Variants in THSD7B observed in about 807,000 individuals in gnomAD.
The protein encoded by THSD7B is thrombospondin type-1 domain-containing protein 7B.
A neutral mutation model predicts 213.6 loss-of-function variants in THSD7B; 138 were observed. That is an observed-to-expected ratio of 0.65 (90% CI 0.56 to 0.74). The LOEUF is 0.74. Among genes scored for constraint, THSD7B ranks in the 30% least tolerant of loss-of-function variants. The pLI is 0.00. For synonymous variants in THSD7B, 742 were observed against 687.0 expected, an observed-to-expected ratio of 1.08 and a Z score of -1.25; for missense variants, 1,931 against 1,991.5, an observed-to-expected ratio of 0.97 and a Z score of 0.58.
intron 17 of THSD7B, among the ~76,000 whole-genome samples, chr2:137,610,992 A>G (rs112831532): frequency 0.03 from 4,341 of 146,488 alleles, 160 homozygotes; most frequent in African/African-American, 0.091. Context: ...TTAAAGTATA[A>G]TAATAATAAT....
chr2:137,621,013 G>A lies in THSD7B; in HGVS notation c.3799+287G>A, dbSNP rs556993730. Among the ~76,000 whole-genome samples, 3 of 152,272 alleles carry A rather than the reference G, an allele frequency of 2.0e-5. No individual in the cohort carries two copies. In the East Asian group the frequency reaches 5.8e-4, roughly 29 times the overall value. On this transcript the variant is annotated intron_variant, in intron 20 of 27. Transcript: ENST00000409968. ...CTCAACAAATTGAAAAAACATGTTG[G>A]CCTCAGTGGTTTTTGGAAAAAGTAG...
intron 17 of THSD7B, among the ~76,000 whole-genome samples, chr2:137,608,434 A>G (rs1035212590): frequency 5.3e-5 from 8 of 151,980 alleles, no homozygotes; most frequent in Non-Finnish European, 1.2e-4. Context: ...CAAGTGTAAC[A>G]GTTACTGAGG....
chr2:136,919,940 A>G (rs537004970), intron 2 of THSD7B, among the ~76,000 whole-genome samples: 4 of 152,372 alleles, frequency 2.6e-5, no homozygotes, highest in African/African-American at 9.6e-5. Context: ...CACTGTGGGC[A>G]GCAGGGAACA....
chr2:137,515,290 G>A lies in THSD7B; in HGVS notation c.3139-47931G>A, dbSNP rs573672994. On this transcript the variant is annotated intron_variant, in intron 15 of 27. Coordinates refer to ENST00000409968, the MANE Select transcript of THSD7B (RefSeq NM_001316349.2). ...CCCATTAGTGGCAACATCCCCTCCC[G>A]GTCCCATGCTGCCATCGCCTTTCCA... Among the ~76,000 whole-genome samples the A allele has an allele frequency of 4.6e-5, 7 of 152,184 alleles. No individual in the cohort carries two copies. The South Asian group carries it at 1.0e-3, about 23-fold the overall frequency.
At chr2:136,913,696 G>A (rs1002968766) in intron 2 of THSD7B, among the ~76,000 whole-genome samples, 1 of 152,222 alleles carries the variant, frequency 6.6e-6, no homozygotes. Flanking sequence ...CCAAACCTTG[G>A]CAACTTCCAT....
chr2:137,599,918 G>A (rs9287476), intron 17 of THSD7B, among the ~76,000 whole-genome samples: 2 of 151,794 alleles, frequency 1.3e-5, no homozygotes, highest in African/African-American at 4.8e-5. Context: ...CTCTACCAAG[G>A]CCTCCTCCTT....
intron 12 of THSD7B, among the ~76,000 whole-genome samples, chr2:137,294,394 C>T (rs1280711044): frequency 1.3e-5 from 2 of 151,682 alleles, no homozygotes; most frequent in Admixed American, 6.6e-5. Flanking sequence ...ACCAGCCTGG[C>T]CAACATGGTG....
chr2:137,289,592 G>T (rs577247756), intron 12 of THSD7B, among the ~76,000 whole-genome samples: 1 of 152,214 alleles, frequency 6.6e-6, no homozygotes, highest in East Asian at 1.9e-4. Context: ...TTGAGTAGCT[G>T]TAGCTGAATA....
chr2:137,293,704 A>G (rs1033000053), intron 12 of THSD7B, among the ~76,000 whole-genome samples: 2 of 152,186 alleles, frequency 1.3e-5, no homozygotes, highest in East Asian at 1.9e-4. Flanking sequence ...CCAATTATAT[A>G]TTTTATTAGA....
intron 15 of THSD7B, among the ~76,000 whole-genome samples, chr2:137,536,117 A>C (rs910296718): frequency 6.7e-6 from 1 of 149,902 alleles, no homozygotes; most frequent in Admixed American, 6.6e-5. Context: ...CACTCATGAC[A>C]CCAGTGGTTT....
At position 137,487,396 on chromosome 2, in the gene THSD7B, A is replaced by AAAAAAAC. The variant is rs757398774; in HGVS notation, c.3138+36376_3138+36377insAAACAAA. Among the ~76,000 whole-genome samples, 381 of 120,912 alleles carry AAAAAAAC rather than the reference A, an allele frequency of 3.2e-3. 9 individuals carry two copies. The highest frequency in any genetic ancestry group is 8.1e-3 in the Middle Eastern group (2 of 248). 79.3% of individuals were successfully genotyped at this position (120,912 alleles called of 152,430 possible). On this transcript the variant is annotated intron_variant, in intron 15 of 27. Coordinates refer to ENST00000409968, the MANE Select transcript of THSD7B (RefSeq NM_001316349.2). ...TCTCAAAAAAAAAAAAAAAAAAAAA[A>AAAAAAAC]AAAGAACTAGAAAAGCAAGAGCAAA...
intron 12 of THSD7B, among the ~76,000 whole-genome samples, chr2:137,387,859 T>C (rs531907801): frequency 1.5e-4 from 23 of 152,308 alleles, no homozygotes; most frequent in Non-Finnish European, 2.6e-4. Context: ...AGGTTTCCCA[T>C]TGGTTATCAC....
At chr2:137,050,498 A>G (rs16837950) in intron 2 of THSD7B, among the ~76,000 whole-genome samples, 19,242 of 152,228 alleles carry the variant, frequency 0.13, 1,921 homozygotes, top group African/African-American at 0.28. Flanking sequence ...AGTGCCAAAC[A>G]AAAACACAAT....
intron 12 of THSD7B, among the ~76,000 whole-genome samples, chr2:137,289,563 CAG>C (rs1683274641): frequency 6.9e-6 from 1 of 145,140 alleles, no homozygotes; most frequent in Non-Finnish European, 1.6e-5. Flanking sequence ...TAAACAAAGA[CAG>C]AAAAATGATT....
At chr2:136,941,982 C>G (rs1684836108) in intron 2 of THSD7B, among the ~76,000 whole-genome samples, 1 of 152,088 alleles carries the variant, frequency 6.6e-6, no homozygotes, top group Non-Finnish European at 1.5e-5. Context: ...GGTTTTAGGT[C>G]TAACATTTAA....
chr2:137,397,620 G>C (rs1415107071), intron 12 of THSD7B, among the ~76,000 whole-genome samples: 1 of 150,180 alleles, frequency 6.7e-6, no homozygotes, highest in Non-Finnish European at 1.5e-5. Flanking sequence ...TTTCAACTTT[G>C]GTGAATCTGA....
chr2:137,155,159 T>G (rs1372009325), intron 5 of THSD7B, among the ~76,000 whole-genome samples: 2 of 152,380 alleles, frequency 1.3e-5, no homozygotes, highest in African/African-American at 4.8e-5. Context: ...TCCAGATTTG[T>G]CTGAGTTATA....
At chr2:137,075,232 G>A (rs963409237) in intron 3 of THSD7B, among the ~76,000 whole-genome samples, 1 of 152,188 alleles carries the variant, frequency 6.6e-6, no homozygotes, top group African/African-American at 2.4e-5. Context: ...CCAGTCAAAT[G>A]TAGATTTGGT....
intron 12 of THSD7B, among the ~76,000 whole-genome samples, chr2:137,353,572 A>G (rs931164681): frequency 6.6e-6 from 1 of 152,138 alleles, no homozygotes; most frequent in Non-Finnish European, 1.5e-5. Context: ...ATGAGAGATC[A>G]TTCTTCCAGA....
Sources: allele counts gnomAD v4.1 joint callset (sites outside exome capture counted in the v4.1 genomes callset), GRCh38; gene constraint gnomAD v4.1.1; transcripts MANE v1.5; gene names NCBI Gene and HGNC (gene_info 2026-07-23, HGNC 2026-07-21).